The following FSTL4 variants were observed in gnomAD, a reference collection of about 807,000 sequenced individuals.
FSTL4 encodes follistatin like 4.
A neutral mutation model predicts 78.2 loss-of-function variants in FSTL4; 28 were observed. The observed-to-expected ratio is 0.36, with a 90% confidence interval of 0.27 to 0.49. The LOEUF (loss-of-function observed/expected upper bound fraction) is 0.49. FSTL4 is among the 20% of genes least tolerant of loss of function. The pLI is 0.98. For missense variants in FSTL4, 922 were observed against 1,084.9 expected, an observed-to-expected ratio of 0.85 and a Z score of 2.11; for synonymous variants, 422 against 440.5, an observed-to-expected ratio of 0.96 and a Z score of 0.53.
intron 7 of FSTL4, chr5:133,248,018 G>A (rs1752096159): frequency 6.6e-6 from 1 of 152,280 alleles, no homozygotes; most frequent in Admixed American, 6.5e-5. Flanking sequence ...GACCTCCAAG[G>A]TCACTGGGTT....
At chr5:133,346,483 A>G (rs1331946721) in intron 4 of FSTL4, among the ~76,000 whole-genome samples, 2 of 152,242 alleles carry the variant, frequency 1.3e-5, no homozygotes, top group Non-Finnish European at 2.9e-5. Context: ...GCTAATGCCA[A>G]TCTGCCAACA....
intron 4 of FSTL4, among the ~76,000 whole-genome samples, chr5:133,326,923 C>T (rs1445596517): frequency 6.6e-6 from 1 of 152,238 alleles, no homozygotes; most frequent in African/African-American, 2.4e-5. Context: ...ACTCAGCCTG[C>T]CTCCTGTCCC....
intron 4 of FSTL4, among the ~76,000 whole-genome samples, chr5:133,341,844 C>G (rs931536828): frequency 1.3e-5 from 2 of 152,222 alleles, no homozygotes; most frequent in African/African-American, 4.8e-5. Flanking sequence ...AGAACACTAA[C>G]AGTATCTTAT....
the FSTL4 span, among the ~76,000 whole-genome samples, chr5:133,814,242 G>T: frequency 6.6e-6 from 1 of 152,196 alleles, no homozygotes; most frequent in Admixed American, 6.5e-5. Flanking sequence ...CAAGGTTCTG[G>T]GGAGGAGAAA....
intron 13 of FSTL4, among the ~76,000 whole-genome samples, chr5:133,215,770 G>C (rs1164004197): frequency 1.3e-5 from 2 of 152,176 alleles, no homozygotes; most frequent in African/African-American, 4.8e-5. Flanking sequence ...CCAGTCTCCA[G>C]AGCTGCATTT....
intron 4 of FSTL4, among the ~76,000 whole-genome samples, chr5:133,376,550 AC>A: frequency 6.6e-6 from 1 of 152,316 alleles, no homozygotes; most frequent in South Asian, 2.1e-4. Context: ...TTTAAAAAAA[AC>A]ACACACACTC....
chr5:133,285,534 C>T (rs1581593323), intron 6 of FSTL4, among the ~76,000 whole-genome samples: 1 of 152,194 alleles, frequency 6.6e-6, no homozygotes, highest in African/African-American at 2.4e-5. Flanking sequence ...GATCTGAATT[C>T]TCACATTTTC....
intron 3 of FSTL4, among the ~76,000 whole-genome samples, chr5:133,526,917 G>A (rs1056419861): frequency 2.0e-5 from 3 of 152,124 alleles, no homozygotes; most frequent in Non-Finnish European, 4.4e-5. Context: ...AAGGCTCTCC[G>A]GAGGCAGTTT....
the FSTL4 span, among the ~76,000 whole-genome samples, chr5:133,750,337 G>A: frequency 2.6e-5 from 4 of 152,312 alleles, no homozygotes; most frequent in East Asian, 1.9e-4. Flanking sequence ...TTGGCAGAAG[G>A]TGCTTTTTGG....
rs542743918 is a variant in FSTL4 at position 133,225,232 on chromosome 5, T to A, written c.1230A>T (p.Ala410=). 2.5e-6 allele frequency: 4 copies of A among 1,614,186 alleles called. No individual in the cohort carries two copies. The African/African-American group carries it at 5.3e-5, about 22-fold the overall frequency. ...ISSVRYEDTG[A]YTCIAKNEVG... is the part of the protein sequence containing the mutation. ...CTTCATTTTTGGCAATGCAGGTGTATGCCCCTGTGTCTTCATACCGAACAC... is the reference window on the plus strand; with the variant it reads ...CTTCATTTTTGGCAATGCAGGTGTAAGCCCCTGTGTCTTCATACCGAACAC... The change falls in exon 10 of 16, where the codon GCA becomes GCT. Residue 410 remains alanine, a synonymous_variant. Transcript: ENST00000265342. This position sits in a 1 kb window ranked among gnomAD's most constrained non-coding sequence, Gnocchi z 4.6.
rs1761084469 is a variant in FSTL4, at chr5:133,611,224, G to A, written c.-11+1101C>T. Among the ~76,000 whole-genome samples, 1 of 152,084 alleles carries A rather than the reference G, an allele frequency of 6.6e-6. No individual in the cohort carries two copies. Among genetic ancestry groups the A allele is most frequent in the African/African-American group, 2.4e-5 (1 of 41,430 alleles). ...CCGCGACACCGACCTCGCCGGGCCC[G>A]CCCCGCTGACCCGCGCACTCCTAGT... is the stretch of plus-strand genomic sequence containing the variant. On this transcript the variant is annotated intron_variant, in intron 1 of 15. Transcript: ENST00000265342. This position sits in a 1 kb window ranked among gnomAD's most constrained non-coding sequence, Gnocchi z 4.9.
At chr5:133,452,328 C>T (rs914272062) in intron 3 of FSTL4, among the ~76,000 whole-genome samples, 1 of 152,228 alleles carries the variant, frequency 6.6e-6, no homozygotes, top group African/African-American at 2.4e-5. Flanking sequence ...CCAAACCAAA[C>T]AACTGAATTT....
chr5:133,205,430 G>A (rs772544909), intron 14 of FSTL4, among the ~76,000 whole-genome samples: 1 of 151,712 alleles, frequency 6.6e-6, no homozygotes, highest in Non-Finnish European at 1.5e-5. Flanking sequence ...ATACACATGC[G>A]TCTCTCCTGT....
intron 4 of FSTL4, among the ~76,000 whole-genome samples, chr5:133,366,862 A>G (rs1293033153): frequency 6.6e-6 from 1 of 152,186 alleles, no homozygotes; most frequent in African/African-American, 2.4e-5. Flanking sequence ...TAGCTTGAAA[A>G]GGCCAAAAAA....
intron 6 of FSTL4, among the ~76,000 whole-genome samples, chr5:133,306,386 T>G (rs2126882696): frequency 6.6e-6 from 1 of 152,332 alleles, no homozygotes; most frequent in East Asian, 1.9e-4. Context: ...GCACTTACTC[T>G]GAGGAGGGTT....
At chr5:133,798,069 C>T in the FSTL4 span, among the ~76,000 whole-genome samples, 1 of 152,324 alleles carries the variant, frequency 6.6e-6, no homozygotes, top group African/African-American at 2.4e-5. Flanking sequence ...ATAGCTGAGC[C>T]AAAGCAAGTG....
At chr5:133,823,423 G>A in the FSTL4 span, among the ~76,000 whole-genome samples, 36 of 152,160 alleles carry the variant, frequency 2.4e-4, no homozygotes, top group Admixed American at 2.0e-3. Context: ...TCCAGGGGCT[G>A]GTTTGGGCCC....
At chr5:133,715,907 A>G in the FSTL4 span, among the ~76,000 whole-genome samples, 2 of 152,268 alleles carry the variant, frequency 1.3e-5, no homozygotes, top group African/African-American at 4.8e-5. Context: ...TGTTCAACCA[A>G]TGCTTATTGA....
chr5:133,514,753 A>T (rs1430330765), intron 3 of FSTL4, among the ~76,000 whole-genome samples: 1 of 152,222 alleles, frequency 6.6e-6, no homozygotes, highest in Non-Finnish European at 1.5e-5. Context: ...TAGCCAGCAA[A>T]CCACAAAACA....
Sources: gnomAD v4.1 joint callset for allele counts (sites outside exome capture counted in the v4.1 genomes callset) on GRCh38, gnomAD v4.1.1 for gene constraint, Gnocchi (gnomAD v3.1) non-coding constraint, MANE v1.5 for transcripts, NCBI Gene and HGNC (gene_info 2026-07-23, HGNC 2026-07-21) for gene names.